Variants in LPP observed in about 807,000 individuals in gnomAD.
LPP encodes the protein LIM domain containing preferred translocation partner in lipoma.
LPP carries 38 observed loss-of-function variants against 60.4 expected under a neutral mutation model. The observed-to-expected ratio is 0.63, with a 90% CI of 0.49 to 0.83. The LOEUF (loss-of-function observed/expected upper bound fraction) is 0.83. Among genes scored for constraint, LPP ranks in the 40% least tolerant of loss-of-function variants. The probability of loss-of-function intolerance (pLI) is 0.00; values close to 1 mark genes in which losing one functional copy is unlikely to be tolerated. For synonymous variants in LPP, 328 were observed against 290.8 expected, an observed-to-expected ratio of 1.13 and a Z score of -1.30; for missense variants, 902 against 783.6, an observed-to-expected ratio of 1.15 and a Z score of -1.80.
chr3:188,282,179 G>A (rs1466366795), intron 2 of LPP, among the ~76,000 whole-genome samples: 3 of 140,860 alleles, frequency 2.1e-5, no homozygotes, highest in Admixed American at 1.4e-4. Context: ...TATATTTTTA[G>A]TCTCTTGTCT....
At chr3:188,286,224 T>C (rs569722977) in intron 2 of LPP, among the ~76,000 whole-genome samples, 2 of 152,284 alleles carry the variant, frequency 1.3e-5, no homozygotes, top group South Asian at 4.1e-4. Flanking sequence ...CTCTGAGGTC[T>C]TGAAGGGGTG....
intron 6 of LPP, among the ~76,000 whole-genome samples, chr3:188,556,265 A>G (rs539167145): frequency 6.6e-6 from 1 of 152,238 alleles, no homozygotes; most frequent in Admixed American, 6.6e-5. Context: ...TCTGAGGTCA[A>G]ATCCTAGTTT....
At chr3:188,742,484 A>G (rs1283755112) in intron 8 of LPP, among the ~76,000 whole-genome samples, 1 of 152,150 alleles carries the variant, frequency 6.6e-6, no homozygotes, top group African/African-American at 2.4e-5. Flanking sequence ...GCTAATATGC[A>G]CAAATACATG....
At chr3:188,219,716 G>C (rs1205605697) in intron 1 of LPP, among the ~76,000 whole-genome samples, 2 of 152,174 alleles carry the variant, frequency 1.3e-5, no homozygotes, top group East Asian at 3.9e-4. Flanking sequence ...GGTCCACTGT[G>C]GGTCCATGTG....
chr3:188,277,007 G>A (rs1183021063), intron 2 of LPP, among the ~76,000 whole-genome samples: 1 of 136,808 alleles, frequency 7.3e-6, no homozygotes, highest in Non-Finnish European at 1.5e-5. Flanking sequence ...GGGTTCAAGT[G>A]ATTCTCCTGC....
intron 9 of LPP, among the ~76,000 whole-genome samples, chr3:188,840,128 C>G (rs1249180026): frequency 6.6e-6 from 1 of 152,122 alleles, no homozygotes; most frequent in Non-Finnish European, 1.5e-5. Flanking sequence ...TTGGTTTCTT[C>G]AGTCTTCTTT....
At chr3:188,597,365 C>T (rs1481262091) in intron 6 of LPP, among the ~76,000 whole-genome samples, 1 of 152,122 alleles carries the variant, frequency 6.6e-6, no homozygotes, top group African/African-American at 2.4e-5. Context: ...TAATTTCTGC[C>T]ACTGATACAC....
At chr3:188,585,211 T>C (rs922078081) in intron 6 of LPP, among the ~76,000 whole-genome samples, 1 of 152,228 alleles carries the variant, frequency 6.6e-6, no homozygotes, top group East Asian at 1.9e-4. Context: ...GTGGAAAACA[T>C]GTTAGAACTT....
intron 2 of LPP, among the ~76,000 whole-genome samples, chr3:188,306,702 G>T (rs1032644671): frequency 6.6e-6 from 1 of 152,218 alleles, no homozygotes; most frequent in East Asian, 1.9e-4. Flanking sequence ...AGGTGCTCAA[G>T]AGGGCATCCT....
At chr3:188,874,217 C>A in intron 11 of LPP, 134 bp from the exon 12 acceptor site, 1 of 667,708 alleles carries the variant, frequency 1.5e-6, no homozygotes, top group Non-Finnish European at 2.5e-6. Context: ...AGGGGATTAG[C>A]AGAATGTAAA....
intron 5 of LPP, among the ~76,000 whole-genome samples, chr3:188,507,134 A>G (rs764627537): frequency 6.6e-6 from 1 of 152,160 alleles, no homozygotes; most frequent in Non-Finnish European, 1.5e-5. Context: ...TAGAATAGCT[A>G]CTTGATTGAT....
At chr3:188,239,398 A>G (rs1360355123) in intron 2 of LPP, among the ~76,000 whole-genome samples, 1 of 152,368 alleles carries the variant, frequency 6.6e-6, no homozygotes, top group African/African-American at 2.4e-5. Flanking sequence ...TAGAAACATG[A>G]GTATTATGGT....
At chr3:188,196,176 C>T (rs140905704) in intron 1 of LPP, among the ~76,000 whole-genome samples, 1 of 152,298 alleles carries the variant, frequency 6.6e-6, no homozygotes, top group African/African-American at 2.4e-5. Flanking sequence ...GGCTCTTGCT[C>T]TCTCTTGTAT....
At chr3:188,615,906 A>G (rs1251319655) in intron 7 of LPP, among the ~76,000 whole-genome samples, 1 of 151,964 alleles carries the variant, frequency 6.6e-6, no homozygotes, top group African/African-American at 2.4e-5. Flanking sequence ...GGCTGCTCAT[A>G]CCCTTTGTCC....
intron 7 of LPP, among the ~76,000 whole-genome samples, chr3:188,628,891 A>G (rs1269724160): frequency 1.3e-5 from 2 of 152,192 alleles, no homozygotes; most frequent in East Asian, 1.9e-4. Context: ...GCAGCACATC[A>G]AAGAGCTAAT....
intron 4 of LPP, among the ~76,000 whole-genome samples, chr3:188,450,985 T>C (rs550603574): frequency 3.7e-4 from 57 of 152,232 alleles, no homozygotes; most frequent in African/African-American, 1.4e-3. Flanking sequence ...TTTGTGGCTG[T>C]GGGGAGGGTG....
chr3:188,233,556 T>C (rs979634470), intron 2 of LPP, among the ~76,000 whole-genome samples: 1 of 152,200 alleles, frequency 6.6e-6, no homozygotes, highest in Non-Finnish European at 1.5e-5. Context: ...ATTAAGCCAG[T>C]GATTTATTTA....
chr3:188,179,482 A>T (rs1249333771), intron 1 of LPP: 1 of 457,726 alleles, frequency 2.2e-6, no homozygotes, highest in African/African-American at 2.0e-5. Context: ...TGGGGCGCCC[A>T]CATCTGCGAC....
chr3:188,166,399 A>G (rs530272567), intron 1 of LPP, among the ~76,000 whole-genome samples: 3 of 152,354 alleles, frequency 2.0e-5, no homozygotes, highest in Admixed American at 2.0e-4. Flanking sequence ...ATGCTCACTC[A>G]TGTGGGAGAT....
Sources: gnomAD v4.1 joint callset for allele counts (sites outside exome capture counted in the v4.1 genomes callset) on GRCh38, gnomAD v4.1.1 for gene constraint, MANE v1.5 for transcripts, NCBI Gene and HGNC (gene_info 2026-07-23, HGNC 2026-07-21) for gene names.